DCAF5: variants seen among roughly 807,000 people sequenced by gnomAD.
DCAF5 encodes DDB1 and CUL4 associated factor 5.
A neutral mutation model predicts 80.7 loss-of-function variants in DCAF5; 9 were observed. That is an observed-to-expected ratio of 0.11 (90% CI 0.07 to 0.19). DCAF5 has a LOEUF of 0.19. Among genes scored for constraint, DCAF5 ranks in the 10% least tolerant of loss-of-function variants. The pLI, the probability that DCAF5 is intolerant of heterozygous loss-of-function variation, is 1.00. For synonymous variants in DCAF5, 433 were observed against 461.9 expected (o/e 0.94, Z 0.80); for missense variants, 842 against 1,205.7 (o/e 0.70, Z 4.47).
chr14:69,132,764 T>C (rs1287963565), intron 1 of DCAF5, among the ~76,000 whole-genome samples: 1 of 152,146 alleles, frequency 6.6e-6, no homozygotes, highest in Non-Finnish European at 1.5e-5. Context: ...AGTCTCCACG[T>C]AGTAAGACAT....
At position 69,084,234 on chromosome 14, in the gene DCAF5, T is replaced by C. The variant is rs114883503; in HGVS notation, c.879+7440A>G. 1,902 of 1,014,510 alleles carry C rather than the reference T, an allele frequency of 1.9e-3. 7 individuals are homozygous for C. The highest frequency in any genetic ancestry group is 0.018 in the African/African-American group (1,126 of 63,606). 62.8% of individuals were successfully genotyped at this position (1,014,510 alleles called of 1,614,324 possible). A position where few individuals can be genotyped will look rare whatever the true frequency, so the allele number is the denominator to read the frequency against. On this transcript the variant is annotated intron_variant, in intron 6 of 8. Coordinates refer to ENST00000341516, the MANE Select transcript of DCAF5 (RefSeq NM_003861.3). ...CACGTGCATACCTATGGGTTGATAA[T>C]GGGTGGCAGTAATAGATCTGCTGAA... is the stretch of plus-strand genomic sequence containing the variant.
chr14:69,152,271 C>T lies in DCAF5; in HGVS notation c.214+494G>A, dbSNP rs2041731070. 6.5e-6 allele frequency: 1 copy of T among 153,508 alleles called. No homozygotes were observed. The highest frequency in any genetic ancestry group is 2.4e-5 in the African/African-American group (1 of 41,450). The allele number at this position is 153,508 out of a possible 1,614,324, so 9.5% of individuals were successfully genotyped here. On this transcript the variant is annotated intron_variant, in intron 1 of 8. Transcript: ENST00000341516. This position sits in a 1 kb window ranked among gnomAD's most constrained non-coding sequence, Gnocchi z 4.1. ...GCCCCCGGGTCGCAGCCCCCGGCCC[C>T]TCGGCGTCCGGGTCTGTCACCGCCC...
At chr14:69,065,539 T>C (rs1329863246) in intron 7 of DCAF5, among the ~76,000 whole-genome samples, 1 of 152,210 alleles carries the variant, frequency 6.6e-6, no homozygotes, top group Non-Finnish European at 1.5e-5. Flanking sequence ...GGCAGAATTA[T>C]AGTGGCCATT....
chr14:69,090,708 C>T (rs2039501848), intron 6 of DCAF5: 1 of 159,586 alleles, frequency 6.3e-6, no homozygotes, highest in African/African-American at 2.4e-5. Flanking sequence ...TCTTTTATGC[C>T]TCTTTTATAT....
At chr14:69,085,168 A>T in intron 6 of DCAF5, 1 of 743,118 alleles carries the variant, frequency 1.3e-6, no homozygotes, top group South Asian at 1.4e-5. Context: ...TCTCTGAAAC[A>T]GATCTTTAAT....
intron 5 of DCAF5, among the ~76,000 whole-genome samples, chr14:69,099,839 C>G (rs975848121): frequency 6.6e-6 from 1 of 151,880 alleles, no homozygotes; most frequent in Non-Finnish European, 1.5e-5. Flanking sequence ...CCCAGCTACT[C>G]AGAAGGCTGA....
chr14:69,099,252 A>ACG (rs34275720), intron 5 of DCAF5, among the ~76,000 whole-genome samples: 12 of 1,648 alleles, frequency 7.3e-3, no homozygotes, highest in East Asian at 0.038. Context: ...CTCTGTCTCA[A>ACG]CACACACACA....
At chr14:69,108,894 C>A (rs186828211) in intron 5 of DCAF5, among the ~76,000 whole-genome samples, 54 of 152,220 alleles carry the variant, frequency 3.5e-4, no homozygotes, top group African/African-American at 1.3e-3. Context: ...ATTTCTAGGT[C>A]CACCTGACTC....
At chr14:69,066,750 T>C (rs2038459587) in intron 7 of DCAF5, among the ~76,000 whole-genome samples, 1 of 152,230 alleles carries the variant, frequency 6.6e-6, no homozygotes, top group African/African-American at 2.4e-5. Flanking sequence ...CTAATTTCCC[T>C]CCCTTCTCTA....
At chr14:69,066,467 G>A (rs2038447285) in intron 7 of DCAF5, among the ~76,000 whole-genome samples, 2 of 152,134 alleles carry the variant, frequency 1.3e-5, no homozygotes, top group African/African-American at 4.8e-5. Context: ...TAGTTCCTAA[G>A]TTGAGGCCAA....
Position 69,152,713 on chromosome 14 carries a change from G to A in DCAF5, c.214+52C>T. ...AGGGTGACGGGGGAGAGCGAGAGGG[G>A]GAGGCTGGGAGGGTGCGGGGAGGCG... On this transcript the variant is annotated intron_variant, in intron 1 of 8. Coordinates refer to ENST00000341516, the MANE Select transcript of DCAF5 (RefSeq NM_003861.3). The surrounding 1 kb of genome is among the most constrained non-coding windows in gnomAD (Gnocchi z 4.1). 2.8e-6 allele frequency: 4 copies of A among 1,411,636 alleles called. No homozygotes were observed. The highest frequency in any genetic ancestry group is 3.9e-6 in the Non-Finnish European group (4 of 1,027,856). 87.4% of individuals were successfully genotyped at this position (1,411,636 alleles called of 1,614,324 possible).
chr14:69,059,350 AAAG>A (rs2038111613), intron 8 of DCAF5, among the ~76,000 whole-genome samples: 1 of 152,178 alleles, frequency 6.6e-6, no homozygotes, highest in South Asian at 2.1e-4. Flanking sequence ...ACAAGGACAG[AAAG>A]AAGGGGGAGT....
At chr14:69,086,975 T>G (rs545278455) in intron 6 of DCAF5, among the ~76,000 whole-genome samples, 1 of 152,340 alleles carries the variant, frequency 6.6e-6, no homozygotes, top group Admixed American at 6.5e-5. Context: ...GTGTACATCC[T>G]ACTTTCAGCA....
Position 69,054,444 on chromosome 14 carries a change from C to A in DCAF5, c.2242G>T (p.Glu748Ter), listed in dbSNP as rs779248278. 1 of 1,613,978 alleles carries A rather than the reference C, an allele frequency of 6.2e-7. No homozygotes were observed. Among genetic ancestry groups the A allele is most frequent in the African/African-American group, 1.3e-5 (1 of 74,952 alleles). ...TCTGCCCAAGCATGGCTGCTGTGCT[C>A]ATGGCCTGGGCCATTGCTGGGAGTT... The part of the protein sequence containing the change: ...PRTPSNGPGH[E>*]HSSHAWAEVP... The change falls in exon 9 of 9, where the codon GAG becomes TAG. Residue 748 changes from glutamate (E) to a stop codon, truncating the protein, a stop_gained. Transcript: ENST00000341516. LOFTEE classifies it high-confidence loss of function.
At chr14:69,057,678 T>C (rs2038028121) in intron 8 of DCAF5, among the ~76,000 whole-genome samples, 1 of 152,208 alleles carries the variant, frequency 6.6e-6, no homozygotes, top group Non-Finnish European at 1.5e-5. Context: ...TCCTGAAGCC[T>C]GGAGTAATGG....
intron 1 of DCAF5, among the ~76,000 whole-genome samples, chr14:69,144,719 T>G (rs915588284): frequency 1.3e-5 from 2 of 151,948 alleles, no homozygotes; most frequent in Non-Finnish European, 2.9e-5. Context: ...GCAACCAGAG[T>G]TGTACATGTG....
intron 7 of DCAF5, among the ~76,000 whole-genome samples, chr14:69,066,301 A>G (rs1005202924): frequency 6.6e-6 from 1 of 151,622 alleles, no homozygotes; most frequent in Non-Finnish European, 1.5e-5. Context: ...CGCCCAGCTA[A>G]TTTTTTTGTA....
At chr14:69,146,070 T>C (rs944092450) in intron 1 of DCAF5, among the ~76,000 whole-genome samples, 4 of 152,192 alleles carry the variant, frequency 2.6e-5, no homozygotes, top group African/African-American at 7.2e-5. Flanking sequence ...TACAAACAAA[T>C]CCATCAATAA....
At chr14:69,147,667 T>C (rs542297155) in intron 1 of DCAF5, among the ~76,000 whole-genome samples, 3 of 152,284 alleles carry the variant, frequency 2.0e-5, no homozygotes, top group African/African-American at 4.8e-5. Context: ...ATAGGCTAAA[T>C]AGTTATCCCC....
Sources: gnomAD v4.1 joint callset for allele counts (sites outside exome capture counted in the v4.1 genomes callset) on GRCh38, gnomAD v4.1.1 for gene constraint, Gnocchi (gnomAD v3.1) non-coding constraint, MANE v1.5 for transcripts, NCBI Gene and HGNC (gene_info 2026-07-23, HGNC 2026-07-21) for gene names.